The following UNC13C variants were observed in gnomAD, a reference collection of about 807,000 sequenced individuals.
The protein encoded by UNC13C is protein unc-13 homolog C.
UNC13C carries 174 observed loss-of-function variants against 245.4 expected under a neutral mutation model. That is an observed-to-expected ratio of 0.71 (90% CI 0.63 to 0.80). The LOEUF (loss-of-function observed/expected upper bound fraction) is 0.80. UNC13C is among the 30% of genes least tolerant of loss of function. UNC13C has a pLI of 0.00. For missense variants in UNC13C, 2,829 were observed against 2,602.9 expected (o/e 1.09, Z -1.89); for synonymous variants, 992 against 895.1 (o/e 1.11, Z -1.93).
intron 24 of UNC13C, among the ~76,000 whole-genome samples, chr15:54,524,157 T>C (rs1486381302): frequency 6.6e-6 from 1 of 152,314 alleles, no homozygotes; most frequent in Admixed American, 6.5e-5. Flanking sequence ...TGGTTTTAGC[T>C]GAATAGAACT....
intron 17 of UNC13C, among the ~76,000 whole-genome samples, chr15:54,382,111 T>C (rs2039738137): frequency 1.3e-5 from 2 of 152,156 alleles, no homozygotes; most frequent in Admixed American, 1.3e-4. Flanking sequence ...TCTATACATA[T>C]ACTTGGAAAA....
intron 19 of UNC13C, among the ~76,000 whole-genome samples, chr15:54,470,884 A>G (rs1045088142): frequency 1.3e-5 from 2 of 151,252 alleles, no homozygotes; most frequent in South Asian, 2.1e-4. Flanking sequence ...ATTTATTGCT[A>G]TATATTTCCC....
At chr15:54,057,695 G>C (rs1313508146) in intron 2 of UNC13C, among the ~76,000 whole-genome samples, 1 of 152,058 alleles carries the variant, frequency 6.6e-6, no homozygotes, top group African/African-American at 2.4e-5. Flanking sequence ...TTCCAAAATT[G>C]ACCACACAGT....
chr15:54,190,373 C>T (rs1019563040), intron 4 of UNC13C, among the ~76,000 whole-genome samples: 1 of 152,100 alleles, frequency 6.6e-6, no homozygotes, highest in Non-Finnish European at 1.5e-5. Context: ...TCCCTCTTTC[C>T]TGTACTTCTC....
intron 17 of UNC13C, among the ~76,000 whole-genome samples, chr15:54,372,356 A>G (rs546939600): frequency 6.6e-6 from 1 of 152,236 alleles, no homozygotes; most frequent in South Asian, 2.1e-4. Flanking sequence ...TAGATTATTG[A>G]AAAAATATTT....
intron 1 of UNC13C, among the ~76,000 whole-genome samples, chr15:53,986,648 G>A (rs1217911661): frequency 1.3e-5 from 2 of 152,006 alleles, no homozygotes; most frequent in African/African-American, 2.4e-5. Flanking sequence ...ACTTATTAAA[G>A]TAGTTACACT....
At chr15:54,284,689 A>C (rs572988326) in intron 10 of UNC13C, among the ~76,000 whole-genome samples, 1 of 152,284 alleles carries the variant, frequency 6.6e-6, no homozygotes, top group South Asian at 2.1e-4. Flanking sequence ...CTGTTCGCTG[A>C]TATCTCTCTT....
At chr15:54,042,983 T>G (rs956696291) in intron 2 of UNC13C, among the ~76,000 whole-genome samples, 5 of 152,114 alleles carry the variant, frequency 3.3e-5, no homozygotes, top group Admixed American at 3.3e-4. Context: ...GCCCACTAGA[T>G]GCTCCCTATT....
the UNC13C span, among the ~76,000 whole-genome samples, chr15:53,845,575 T>A: frequency 8.3e-3 from 1,261 of 152,268 alleles, 18 homozygotes; most frequent in African/African-American, 0.029. Flanking sequence ...TTCATGAAAT[T>A]TATTGAATGC....
intron 4 of UNC13C, among the ~76,000 whole-genome samples, chr15:54,218,633 T>A (rs1412150612): frequency 6.6e-6 from 1 of 151,932 alleles, no homozygotes; most frequent in Non-Finnish European, 1.5e-5. Context: ...AGGGGTTTGT[T>A]CTATATCCTG....
the UNC13C span, among the ~76,000 whole-genome samples, chr15:53,903,538 A>G: frequency 6.6e-6 from 1 of 152,206 alleles, no homozygotes; most frequent in South Asian, 2.1e-4. Context: ...CACAAGGCCA[A>G]TTAGATCATT....
intron 2 of UNC13C, among the ~76,000 whole-genome samples, chr15:54,030,505 G>A (rs1896312466): frequency 6.6e-6 from 1 of 152,212 alleles, no homozygotes; most frequent in Admixed American, 6.5e-5. Context: ...GTTAGTAGTA[G>A]TAGTAAATAA....
rs562072852 is a variant in UNC13C at position 54,349,608 on chromosome 15, G to T, written c.4713+11119G>T. On this transcript the variant is annotated intron_variant, in intron 17 of 32. Transcript: ENST00000260323. Reference sequence around the variant, plus strand: ...ATTTCATCTCATGAATGCAAAAATGGTTCAACAATACCAAAAAAAGATCAA... The same window carrying T: ...ATTTCATCTCATGAATGCAAAAATGTTTCAACAATACCAAAAAAAGATCAA... Among the ~76,000 whole-genome samples, 5 of 152,146 alleles carry T rather than the reference G, an allele frequency of 3.3e-5. No homozygotes were observed. In the South Asian group the frequency reaches 8.3e-4, roughly 25 times the overall value.
At chr15:54,419,592 T>C (rs936798163) in intron 19 of UNC13C, among the ~76,000 whole-genome samples, 2 of 152,116 alleles carry the variant, frequency 1.3e-5, no homozygotes, top group Non-Finnish European at 2.9e-5. Context: ...ATGGTCACTA[T>C]ATAAATAGAA....
At chr15:54,010,859 G>T (rs948931302) in intron 1 of UNC13C, among the ~76,000 whole-genome samples, 1 of 152,006 alleles carries the variant, frequency 6.6e-6, no homozygotes, top group Non-Finnish European at 1.5e-5. Flanking sequence ...TATATGCTGT[G>T]GGCAAGTGGA....
intron 2 of UNC13C, among the ~76,000 whole-genome samples, chr15:54,028,494 G>A (rs1896212999): frequency 6.6e-6 from 1 of 152,040 alleles, no homozygotes; most frequent in African/African-American, 2.4e-5. Context: ...ATAACTTTTA[G>A]AGTAAGGGCA....
At chr15:54,492,260 T>C (rs1228992568) in intron 19 of UNC13C, among the ~76,000 whole-genome samples, 3 of 152,106 alleles carry the variant, frequency 2.0e-5, no homozygotes, top group Non-Finnish European at 2.9e-5. Context: ...CAGATACAGT[T>C]TATATATAGT....
intron 17 of UNC13C, among the ~76,000 whole-genome samples, chr15:54,389,340 A>G (rs955380580): frequency 1.3e-5 from 2 of 152,182 alleles, no homozygotes; most frequent in African/African-American, 4.8e-5. Context: ...GGTCACTCTC[A>G]ATACACATTT....
chr15:54,375,777 C>T (rs2039592940), intron 17 of UNC13C, among the ~76,000 whole-genome samples: 1 of 152,214 alleles, frequency 6.6e-6, no homozygotes, highest in Admixed American at 6.5e-5. Flanking sequence ...TCAGATGAAA[C>T]ACCACCGCCA....
Sources: gnomAD v4.1 joint callset for allele counts (sites outside exome capture counted in the v4.1 genomes callset) on GRCh38, gnomAD v4.1.1 for gene constraint, MANE v1.5 for transcripts, NCBI Gene and HGNC (gene_info 2026-07-23, HGNC 2026-07-21) for gene names.